KIAA1958: variants seen among roughly 807,000 people sequenced by gnomAD.
The protein encoded by KIAA1958 is uncharacterized protein KIAA1958.
A neutral mutation model predicts 47.2 loss-of-function variants in KIAA1958; 14 were observed. That is an observed-to-expected ratio of 0.30 (90% CI 0.20 to 0.46). KIAA1958 has a LOEUF of 0.46. Ranked by LOEUF, KIAA1958 falls within the 20% of genes least tolerant of loss-of-function variation. The probability of loss-of-function intolerance (pLI) is 1.00; values close to 1 mark genes in which losing one functional copy is unlikely to be tolerated. For missense variants in KIAA1958, 803 were observed against 909.2 expected (o/e 0.88, Z 1.50); for synonymous variants, 354 against 353.3 (o/e 1.00, Z -0.02).
chr9:112,517,929 T>G (rs1239525222), intron 1 of KIAA1958, among the ~76,000 whole-genome samples: 1 of 152,252 alleles, frequency 6.6e-6, no homozygotes, highest in Non-Finnish European at 1.5e-5. Context: ...GCTAGGATAT[T>G]AAGTAACTAC....
At chr9:112,554,613 T>G (rs527925987) in intron 1 of KIAA1958, among the ~76,000 whole-genome samples, 1 of 152,328 alleles carries the variant, frequency 6.6e-6, no homozygotes, top group East Asian at 1.9e-4. Context: ...GGTTCTCAAA[T>G]GCACATTCTT....
intron 3 of KIAA1958, 84 bp from the exon 4 acceptor site, chr9:112,659,179 C>T: frequency 1.5e-5 from 17 of 1,131,342 alleles, no homozygotes; most frequent in Middle Eastern, 2.3e-4. Flanking sequence ...GTCCTCAACA[C>T]AGCCCCTGGT....
At chr9:112,635,673 A>G (rs1378145035) in intron 2 of KIAA1958, among the ~76,000 whole-genome samples, 1 of 152,188 alleles carries the variant, frequency 6.6e-6, no homozygotes, top group African/African-American at 2.4e-5. Context: ...GACATAATCA[A>G]GTTGTTCATA....
At chr9:112,605,886 C>G (rs997141077) in intron 2 of KIAA1958, among the ~76,000 whole-genome samples, 1 of 152,234 alleles carries the variant, frequency 6.6e-6, no homozygotes, top group South Asian at 2.1e-4. Flanking sequence ...CTTATCCTCT[C>G]TGATAACACC....
At chr9:112,633,447 T>C (rs1225168072) in intron 2 of KIAA1958, among the ~76,000 whole-genome samples, 2 of 152,214 alleles carry the variant, frequency 1.3e-5, no homozygotes, top group African/African-American at 4.8e-5. Flanking sequence ...ATACACATTT[T>C]TAAAGGAATT....
At chr9:112,588,436 C>T (rs1324596794) in intron 2 of KIAA1958, among the ~76,000 whole-genome samples, 1 of 152,106 alleles carries the variant, frequency 6.6e-6, no homozygotes, top group Non-Finnish European at 1.5e-5. Flanking sequence ...ATTATTAGTA[C>T]TGTATTTCAT....
At chr9:112,524,055 CGTT>C (rs1834600016) in intron 1 of KIAA1958, among the ~76,000 whole-genome samples, 1 of 152,252 alleles carries the variant, frequency 6.6e-6, no homozygotes, top group Middle Eastern at 3.4e-3. Context: ...TTTTTTTAAA[CGTT>C]AACCATTTCC....
At chr9:112,562,100 G>A (rs1835340862) in intron 1 of KIAA1958, among the ~76,000 whole-genome samples, 1 of 152,154 alleles carries the variant, frequency 6.6e-6, no homozygotes. Context: ...TATTGTATAT[G>A]TTCGCTGTCT....
At chr9:112,637,049 G>C (rs1310718356) in intron 2 of KIAA1958, among the ~76,000 whole-genome samples, 2 of 152,064 alleles carry the variant, frequency 1.3e-5, no homozygotes, top group African/African-American at 4.8e-5. Flanking sequence ...GCATTATTAA[G>C]ATCTACTTTA....
intron 2 of KIAA1958, among the ~76,000 whole-genome samples, chr9:112,639,796 T>C (rs1174201676): frequency 6.6e-6 from 1 of 152,106 alleles, no homozygotes; most frequent in African/African-American, 2.4e-5. Context: ...TCTCCATCAA[T>C]ACACACATAC....
intron 2 of KIAA1958, chr9:112,581,972 C>A: frequency 3.9e-6 from 1 of 254,140 alleles, no homozygotes. Flanking sequence ...TCCCCACTGT[C>A]AGAGCCACAT....
intron 1 of KIAA1958, among the ~76,000 whole-genome samples, chr9:112,534,269 G>A (rs1249868619): frequency 6.6e-6 from 1 of 152,182 alleles, no homozygotes; most frequent in Non-Finnish European, 1.5e-5. Flanking sequence ...GGAGCCTAGC[G>A]TCTAGCAGAG....
chr9:112,507,813 T>C (rs752926384), intron 1 of KIAA1958, among the ~76,000 whole-genome samples: 8 of 152,094 alleles, frequency 5.3e-5, no homozygotes, highest in Non-Finnish European at 1.0e-4. Context: ...TTTCTTTTTT[T>C]TGAGAGATGA....
intron 1 of KIAA1958, among the ~76,000 whole-genome samples, chr9:112,511,691 T>C (rs1376834407): frequency 6.6e-6 from 1 of 151,996 alleles, no homozygotes; most frequent in African/African-American, 2.4e-5. Context: ...AGAGCATAAA[T>C]CAGTGAAATA....
intron 2 of KIAA1958, among the ~76,000 whole-genome samples, chr9:112,626,853 A>C (rs1836623664): frequency 6.6e-6 from 1 of 151,054 alleles, no homozygotes; most frequent in African/African-American, 2.4e-5. Context: ...GCCAAAAATC[A>C]TTACGATTTC....
chr9:112,646,376 A>T (rs796970873), intron 3 of KIAA1958, among the ~76,000 whole-genome samples: 4 of 152,366 alleles, frequency 2.6e-5, no homozygotes, highest in African/African-American at 9.6e-5. Flanking sequence ...GAAAGGGACT[A>T]TTGTAGTAGG....
intron 1 of KIAA1958, among the ~76,000 whole-genome samples, chr9:112,520,029 A>G (rs1172926419): frequency 5.9e-5 from 9 of 152,210 alleles, no homozygotes; most frequent in Admixed American, 5.9e-4. Flanking sequence ...ATTAAGATCA[A>G]GGAGTTCTTA....
At chr9:112,571,855 TA>T (rs561993128) in intron 1 of KIAA1958, among the ~76,000 whole-genome samples, 1 of 144,160 alleles carries the variant, frequency 6.9e-6, no homozygotes, top group Non-Finnish European at 1.5e-5. Flanking sequence ...AGAAATAAAA[TA>T]AAAAAAGTTC....
rs1191976040 is a variant in KIAA1958, at chr9:112,660,100, C to A, written c.*31C>A. 1 of 1,591,338 alleles carries A rather than the reference C, an allele frequency of 6.3e-7. No individual in the cohort carries two copies. The highest frequency in any genetic ancestry group is 1.1e-5 in the South Asian group (1 of 88,808). Reference sequence around the variant, plus strand: ...CACTGGGGCCCGGCCACTGCCCTGTCACCTGCTCGGGCCAGCCAGGGTTGG... The same window carrying A: ...CACTGGGGCCCGGCCACTGCCCTGTAACCTGCTCGGGCCAGCCAGGGTTGG... On this transcript the variant is annotated 3_prime_UTR_variant, in exon 4 of 4. Transcript: ENST00000337530.
Sources: allele counts gnomAD v4.1 joint callset (sites outside exome capture counted in the v4.1 genomes callset), GRCh38; gene constraint gnomAD v4.1.1; transcripts MANE v1.5; gene names NCBI Gene and HGNC (gene_info 2026-07-23, HGNC 2026-07-21).